The following MASP1 variants were observed in gnomAD, a reference collection of about 807,000 sequenced individuals.
The protein encoded by MASP1 is MBL associated serine protease 1, also known as mannan-binding lectin serine protease 1.
A neutral mutation model predicts 77.1 loss-of-function variants in MASP1; 59 were observed. The ratio of observed to expected loss-of-function variants is 0.77; its 90% CI spans 0.62 to 0.95. The LOEUF (loss-of-function observed/expected upper bound fraction) is 0.95, where lower values mean the gene tolerates loss of function less well. Among genes scored for constraint, MASP1 ranks in the 40% least tolerant of loss-of-function variants. The pLI, the probability that MASP1 is intolerant of heterozygous loss-of-function variation, is 0.00. For synonymous variants in MASP1, 362 were observed against 354.5 expected (o/e 1.02, Z -0.24); for missense variants, 885 against 912.9 (o/e 0.97, Z 0.39).
At chr3:187,226,477 T>C (rs984052075) in exon 12 of MASP1, 2 of 1,612,794 alleles carry the variant, frequency 1.2e-6, no homozygotes, top group African/African-American at 2.7e-5. Flanking sequence ...CCGGATCGAG[T>C]GACTGGTGGA....
intron 13 of MASP1, chr3:187,223,308 T>TC: frequency 1.1e-6 from 1 of 896,594 alleles, no homozygotes; most frequent in East Asian, 2.5e-5. Flanking sequence ...ATTGTTCTTC[T>TC]CAGAGAAAGG....
chr3:187,236,549 C>T lies in MASP1; in HGVS notation c.1322G>A (p.Arg441His), dbSNP rs141872329. Residue 441 changes from arginine to histidine, a missense_variant, in exon 11 of 11, where the codon CGC becomes CAC. Transcript: ENST00000296280. Reference protein sequence around the residue: ...TCLPECGQPSRSLPSLVKRII... With the variant: ...TCLPECGQPSHSLPSLVKRII... The stretch of plus-strand genomic sequence containing the variant: ...CCTCTTGACCAGGCTTGGCAGGGAG[C>T]GGGAGGGCTGACCACACTCTGTAAG... The T allele has an allele frequency of 2.1e-4, 335 of 1,613,794 alleles. No individual in the cohort carries two copies. The African/African-American group carries it at 3.7e-3, about 18-fold the overall frequency.
At chr3:187,245,479 C>T (rs1665117066) in intron 8 of MASP1, among the ~76,000 whole-genome samples, 1 of 152,078 alleles carries the variant, frequency 6.6e-6, no homozygotes, top group Non-Finnish European at 1.5e-5. Flanking sequence ...AGTAACTTTG[C>T]CCACTGATAC....
intron 2 of MASP1, among the ~76,000 whole-genome samples, chr3:187,280,326 C>T (rs894010038): frequency 3.3e-5 from 5 of 152,092 alleles, no homozygotes; most frequent in East Asian, 3.8e-4. Flanking sequence ...GTCACAGATG[C>T]TATTAAAATA....
At chr3:187,243,340 A>G (rs1173747269) in intron 9 of MASP1, 144 bp downstream of exon 9, 27 of 820,516 alleles carry the variant, frequency 3.3e-5, no homozygotes, top group Non-Finnish European at 5.5e-5. Flanking sequence ...AGAACCTGAG[A>G]TGTGTGAGTG....
chr3:187,226,480 C>T lies in MASP1; in HGVS notation c.1482G>A (p.Gln494=), dbSNP rs748987768. 4.3e-6 allele frequency: 7 copies of T among 1,612,966 alleles called. No homozygotes were observed. In the Admixed American group the frequency reaches 1.2e-4, roughly 27 times the overall value. Residue 494 remains glutamine, a synonymous_variant, in exon 12 of 16, where the codon CAG becomes CAA. Coordinates refer to the MASP1 transcript ENST00000337774. ...GGGTCGGATCTTCCGGATCGAGTGA[C>T]TGGTGGAGGCAGTGTGCGGCGGTCA...
chr3:187,255,431 T>C (rs761541389), intron 5 of MASP1, among the ~76,000 whole-genome samples: 27 of 152,196 alleles, frequency 1.8e-4, no homozygotes, highest in Middle Eastern at 3.2e-3. Flanking sequence ...AGATAAGAGC[T>C]CCATCAGCTG....
chr3:187,265,279 C>G (rs983166528), intron 2 of MASP1, among the ~76,000 whole-genome samples: 3 of 152,174 alleles, frequency 2.0e-5, no homozygotes, highest in Non-Finnish European at 4.4e-5. Flanking sequence ...TCCCCAGTGC[C>G]TCTTGGGTTC....
In MASP1 at chr3:187,250,214, C is replaced by T. The variant is rs776458516; in HGVS notation, c.1090+37G>A. 215 of 1,544,960 alleles carry T rather than the reference C, an allele frequency of 1.4e-4. 1 individual carries two copies. The highest frequency in any genetic ancestry group is 6.7e-4 in the Admixed American group (40 of 59,904). On this transcript the variant is annotated intron_variant, in intron 8 of 10. Coordinates refer to ENST00000296280, the MANE Select transcript of MASP1 (RefSeq NM_139125.4). ...CTCGGATCCCGCCAGTGCTGGGGAGCTCAGTATCTTTATAACAACCCATTA... is the reference window on the plus strand; with the variant it reads ...CTCGGATCCCGCCAGTGCTGGGGAGTTCAGTATCTTTATAACAACCCATTA...
At position 187,253,257 on chromosome 3, in the gene MASP1, A is replaced by G; in HGVS notation, c.803T>C (p.Ile268Thr). The change falls in exon 6 of 11, where the codon ATC becomes ACC. Residue 268 changes from isoleucine to threonine, a missense_variant. Coordinates refer to ENST00000296280, the MANE Select transcript of MASP1 (RefSeq NM_139125.4). ...CAGGACACTGTGGCTCTGGGTGCTGATGGGTTCTGGGGCTTTCTCTCCACA... is the reference window on the plus strand; with the variant it reads ...CAGGACACTGTGGCTCTGGGTGCTGGTGGGTTCTGGGGCTTTCTCTCCACA... ...PFCGEKAPEPISTQSHSVLIL... is the reference protein window; with the variant it reads ...PFCGEKAPEPTSTQSHSVLIL... 3 of 1,614,096 alleles carry G rather than the reference A, an allele frequency of 1.9e-6. No individual in the cohort carries two copies. Among genetic ancestry groups the G allele is most frequent in the Non-Finnish European group, 2.5e-6 (3 of 1,180,006 alleles).
At chr3:187,276,634 C>T (rs1716989757) in intron 2 of MASP1, 1 of 152,240 alleles carries the variant, frequency 6.6e-6, no homozygotes, top group African/African-American at 2.4e-5. Context: ...CTTTTGTTTT[C>T]CATCACCCTG....
downstream of MASP1, chr3:187,229,718 G>T (rs761264585): frequency 1.2e-6 from 2 of 1,610,932 alleles, no homozygotes; most frequent in East Asian, 2.2e-5. Flanking sequence ...CCAAGGAGGG[G>T]GTTCAGTTCC....
At chr3:187,220,580 C>T (rs1302505710) in intron 15 of MASP1, among the ~76,000 whole-genome samples, 2 of 151,026 alleles carry the variant, frequency 1.3e-5, no homozygotes, top group Non-Finnish European at 1.5e-5. Context: ...TCACAGCAAC[C>T]TCTACCTCCT....
chr3:187,230,521 G>T (rs1712706337), downstream of MASP1, among the ~76,000 whole-genome samples: 1 of 152,140 alleles, frequency 6.6e-6, no homozygotes, highest in South Asian at 2.1e-4. Flanking sequence ...ACTTACAAAT[G>T]AAAGAGTCAC....
chr3:187,290,770 TTGTGTGTGTGTGTG>T (rs55722614), intron 1 of MASP1, among the ~76,000 whole-genome samples: 2 of 149,894 alleles, frequency 1.3e-5, no homozygotes, highest in African/African-American at 2.5e-5. Flanking sequence ...CTGCAGAGCA[TTGTGTGTGTGTGTG>T]TGTGTGTGTG....
chr3:187,257,252 C>T (rs985140753), intron 4 of MASP1, among the ~76,000 whole-genome samples: 1 of 152,146 alleles, frequency 6.6e-6, no homozygotes, highest in East Asian at 1.9e-4. Context: ...CTCCTACAGG[C>T]CCTTGACACA....
At chr3:187,270,866 G>A (rs1456659273) in intron 2 of MASP1, among the ~76,000 whole-genome samples, 1 of 152,162 alleles carries the variant, frequency 6.6e-6, no homozygotes, top group African/African-American at 2.4e-5. Flanking sequence ...ATGACCTTCA[G>A]ACATGCCTCT....
chr3:187,246,597 G>A, intron 8 of MASP1: 2 of 985,670 alleles, frequency 2.0e-6, no homozygotes, highest in Non-Finnish European at 2.4e-6. Flanking sequence ...CCACTCCCCA[G>A]CCCTTTCTCT....
At chr3:187,260,202 A>T (rs1182758020) in intron 4 of MASP1, among the ~76,000 whole-genome samples, 1 of 152,148 alleles carries the variant, frequency 6.6e-6, no homozygotes, top group Non-Finnish European at 1.5e-5. Context: ...CTCCCTAAGC[A>T]CGAGACTATA....
Sources: gnomAD v4.1 joint callset for allele counts (sites outside exome capture counted in the v4.1 genomes callset) on GRCh38, gnomAD v4.1.1 for gene constraint, MANE v1.5 for transcripts, NCBI Gene and HGNC (gene_info 2026-07-23, HGNC 2026-07-21) for gene names.